Variants in SMAD1 observed in about 807,000 individuals in gnomAD.
SMAD1 encodes SMAD family member 1, also known as MAD, mothers against decapentaplegic homolog 1.
A neutral mutation model predicts 41.6 loss-of-function variants in SMAD1; 6 were observed. The ratio of observed to expected loss-of-function variants is 0.14; its 90% CI spans 0.08 to 0.28. SMAD1 has a LOEUF of 0.28. SMAD1 is among the 10% of genes least tolerant of loss of function. The probability of loss-of-function intolerance (pLI) is 1.00; values close to 1 mark genes in which losing one functional copy is unlikely to be tolerated. For missense variants in SMAD1, 379 were observed against 582.6 expected, an observed-to-expected ratio of 0.65 and a Z score of 3.60; for synonymous variants, 206 against 203.2, an observed-to-expected ratio of 1.01 and a Z score of -0.12.
chr4:145,487,420 C>G (rs1326805202), intron 1 of SMAD1, among the ~76,000 whole-genome samples: 1 of 152,118 alleles, frequency 6.6e-6, no homozygotes, highest in Non-Finnish European at 1.5e-5. Context: ...TCTGCTACTT[C>G]TATATGTGGT....
intron 1 of SMAD1, among the ~76,000 whole-genome samples, chr4:145,483,506 A>G (rs1368471257): frequency 6.6e-6 from 1 of 152,224 alleles, no homozygotes; most frequent in Non-Finnish European, 1.5e-5. Flanking sequence ...TCGGAACAGA[A>G]GTGTTCACTG....
chr4:145,553,750 T>A, intron 5 of SMAD1, 34 bp from the exon 6 acceptor site: 1 of 1,595,144 alleles, frequency 6.3e-7, no homozygotes, highest in Non-Finnish European at 8.6e-7. Context: ...TAAAAATTAA[T>A]AATAACTAAA....
At chr4:145,545,028 G>A (rs1390052724) in intron 4 of SMAD1, 1 of 151,684 alleles carries the variant, frequency 6.6e-6, no homozygotes, top group African/African-American at 2.4e-5. Flanking sequence ...AGGAAGGAAT[G>A]TTGGCCATTT....
chr4:145,509,809 C>CA (rs1483403648), intron 1 of SMAD1, among the ~76,000 whole-genome samples: 2 of 152,092 alleles, frequency 1.3e-5, no homozygotes, highest in Non-Finnish European at 1.5e-5. Flanking sequence ...ATACCAACTT[C>CA]AAAAAAACTA....
intron 2 of SMAD1, among the ~76,000 whole-genome samples, chr4:145,536,894 G>A (rs144548898): frequency 2.6e-5 from 4 of 152,188 alleles, no homozygotes; most frequent in African/African-American, 9.6e-5. Context: ...TTCTGTGCAT[G>A]TGAACTGAGA....
chr4:145,521,261 A>T (rs545972340), intron 2 of SMAD1, among the ~76,000 whole-genome samples: 1 of 152,206 alleles, frequency 6.6e-6, no homozygotes, highest in Non-Finnish European at 1.5e-5. Context: ...TGGTATTGAG[A>T]AGACCATTCA....
rs878948834 is a variant in SMAD1 at position 145,558,080 on chromosome 4, A to G, written c.*146A>G. On this transcript the variant is annotated 3_prime_UTR_variant, in exon 7 of 7. Transcript: ENST00000302085. Reference sequence around the variant, plus strand: ...AACTGTTGGATTCAGAAATTTAAACAAAAAAAAAAAAAAACACACACACCT... The same window carrying G: ...AACTGTTGGATTCAGAAATTTAAACGAAAAAAAAAAAAAACACACACACCT... The G allele has an allele frequency of 7.0e-6, 1 of 141,984 alleles. No individual in the cohort carries two copies. The highest frequency in any genetic ancestry group is 3.5e-5 in the African/African-American group (1 of 28,788). The allele number at this position is 141,984 out of a possible 1,614,324, so 8.8% of individuals were successfully genotyped here. A position where few individuals can be genotyped will look rare whatever the true frequency, so the allele number is the denominator to read the frequency against.
At chr4:145,554,593 A>G (rs1732737453) in intron 6 of SMAD1, among the ~76,000 whole-genome samples, 1 of 152,200 alleles carries the variant, frequency 6.6e-6, no homozygotes, top group South Asian at 2.1e-4. Context: ...CTTGCCCAAG[A>G]TAAATAGATG....
intron 2 of SMAD1, among the ~76,000 whole-genome samples, chr4:145,528,736 C>T (rs568167286): frequency 2.0e-5 from 3 of 152,128 alleles, no homozygotes; most frequent in African/African-American, 4.8e-5. Flanking sequence ...GCTAACTGCT[C>T]TTTGTGTAAT....
At chr4:145,555,874 T>C (rs1267621220) in intron 6 of SMAD1, among the ~76,000 whole-genome samples, 1 of 151,978 alleles carries the variant, frequency 6.6e-6, no homozygotes, top group African/African-American at 2.4e-5. Flanking sequence ...GAATGGAGAG[T>C]TATACAAGAT....
At chr4:145,507,320 G>T (rs1049228847) in intron 1 of SMAD1, among the ~76,000 whole-genome samples, 2 of 152,020 alleles carry the variant, frequency 1.3e-5, no homozygotes, top group African/African-American at 4.8e-5. Flanking sequence ...CCCAGTCATG[G>T]TTAATATTTT....
At chr4:145,499,082 C>G (rs1729271005) in intron 1 of SMAD1, among the ~76,000 whole-genome samples, 1 of 152,208 alleles carries the variant, frequency 6.6e-6, no homozygotes, top group South Asian at 2.1e-4. Context: ...CCACTCATTA[C>G]TCTTCCTTGT....
intron 1 of SMAD1, among the ~76,000 whole-genome samples, chr4:145,504,272 G>A (rs1729641038): frequency 6.6e-6 from 1 of 152,138 alleles, no homozygotes; most frequent in Non-Finnish European, 1.5e-5. Flanking sequence ...AGAAGCATTT[G>A]AACATTATTT....
rs1730296247 is a variant in SMAD1 at position 145,515,026 on chromosome 4, T to C, written c.400+13T>C. 5.7e-6 allele frequency: 9 copies of C among 1,585,912 alleles called. No individual in the cohort carries two copies. Among genetic ancestry groups the C allele is most frequent in the Non-Finnish European group, 7.7e-6 (9 of 1,163,568 alleles). Reference sequence around the variant, plus strand: ...GTAGAAAGCCCTGGTAAGTGAGTTATTTTATGTTGATGTGCTTTGTGTGCC... The same window carrying C: ...GTAGAAAGCCCTGGTAAGTGAGTTACTTTATGTTGATGTGCTTTGTGTGCC... On this transcript the variant is annotated intron_variant, in intron 2 of 6. Coordinates refer to ENST00000302085, the MANE Select transcript of SMAD1 (RefSeq NM_005900.3).
Position 145,540,122 on chromosome 4 carries a change from C to T in SMAD1, c.658+61C>T, listed in dbSNP as rs182260824. 9,371 of 1,588,364 alleles carry T rather than the reference C, an allele frequency of 5.9e-3. 44 individuals are homozygous for T. Among genetic ancestry groups the T allele is most frequent in the Non-Finnish European group, 7.4e-3 (8,559 of 1,161,432 alleles). ...ATCAGACAGTGTTATCACAGTGTCACGGAAAAGCTGGGTCAACCTGCAGTG... is the reference window on the plus strand; with the variant it reads ...ATCAGACAGTGTTATCACAGTGTCATGGAAAAGCTGGGTCAACCTGCAGTG... On this transcript the variant is annotated intron_variant, in intron 3 of 6. Transcript: ENST00000302085.
chr4:145,483,615 G>C (rs544800645), intron 1 of SMAD1, among the ~76,000 whole-genome samples: 3 of 152,252 alleles, frequency 2.0e-5, no homozygotes, highest in African/African-American at 4.8e-5. Context: ...TGTTTGTTCT[G>C]CCCTCTCCCA....
intron 1 of SMAD1, among the ~76,000 whole-genome samples, chr4:145,505,483 G>A (rs777152113): frequency 6.6e-6 from 1 of 152,064 alleles, no homozygotes; most frequent in African/African-American, 2.4e-5. Context: ...GCTGGGCGTG[G>A]TGGTGGGCAC....
At chr4:145,540,751 A>AG (rs1491092279) in intron 3 of SMAD1, among the ~76,000 whole-genome samples, 4 of 151,644 alleles carry the variant, frequency 2.6e-5, no homozygotes, top group African/African-American at 9.6e-5. Flanking sequence ...AAAAAAAAAA[A>AG]GAGTGCCAAA....
intron 4 of SMAD1, 118 bp downstream of exon 4, chr4:145,542,816 C>A: frequency 3.2e-6 from 2 of 629,476 alleles, no homozygotes; most frequent in Middle Eastern, 3.7e-4. Flanking sequence ...AAATAGAGTC[C>A]AATGTTAAGA....
Sources: allele counts gnomAD v4.1 joint callset (sites outside exome capture counted in the v4.1 genomes callset), GRCh38; gene constraint gnomAD v4.1.1; transcripts MANE v1.5; gene names NCBI Gene and HGNC (gene_info 2026-07-23, HGNC 2026-07-21).